SLC13A1: variants seen among roughly 807,000 people sequenced by gnomAD.
The protein encoded by SLC13A1 is Na(+)/sulfate cotransporter.
SLC13A1 carries 65 observed loss-of-function variants against 70.0 expected under a neutral mutation model. The observed-to-expected ratio is 0.93, with a 90% CI of 0.76 to 1.14. The LOEUF is 1.14. Among genes scored for constraint, SLC13A1 ranks in the 50% most tolerant of loss-of-function variants. The pLI is 0.00. For missense variants in SLC13A1, 726 were observed against 717.8 expected (o/e 1.01, Z -0.13); for synonymous variants, 275 against 250.5 (o/e 1.10, Z -0.92).
intron 2 of SLC13A1, among the ~76,000 whole-genome samples, chr7:123,174,507 AT>A (rs1795383652): frequency 6.6e-6 from 1 of 152,046 alleles, no homozygotes; most frequent in South Asian, 2.1e-4. Context: ...TATCTTTAAA[AT>A]TTGTCCCTTT....
rs139469531 is a variant in SLC13A1 at position 123,171,106 on chromosome 7, C to T, written c.365+662G>A. Among the ~76,000 whole-genome samples, 12 of 152,180 alleles carry T rather than the reference C, an allele frequency of 7.9e-5. No homozygotes were observed. The East Asian group carries it at 1.2e-3, about 15-fold the overall frequency. On this transcript the variant is annotated intron_variant, in intron 3 of 14. Coordinates refer to ENST00000194130, the MANE Select transcript of SLC13A1 (RefSeq NM_022444.4). Reference sequence around the variant, plus strand: ...AGGGAAGAAACATCTAAGGCTTTAACGCAAAATGCCACTATGCAAATGATT... The same window carrying T: ...AGGGAAGAAACATCTAAGGCTTTAATGCAAAATGCCACTATGCAAATGATT...
At chr7:123,182,894 T>C (rs1405623866) in intron 1 of SLC13A1, among the ~76,000 whole-genome samples, 2 of 152,136 alleles carry the variant, frequency 1.3e-5, no homozygotes. Flanking sequence ...TTGAAAATAA[T>C]TGAAGAATCC....
At chr7:123,141,095 T>A (rs764287219) in intron 7 of SLC13A1, among the ~76,000 whole-genome samples, 5 of 152,088 alleles carry the variant, frequency 3.3e-5, no homozygotes, top group Admixed American at 6.5e-5. Context: ...TCCATAGATT[T>A]TGATATGTTG....
In SLC13A1 at chr7:123,134,149, T is replaced by C. The variant is rs902832411; in HGVS notation, c.932+261A>G. On this transcript the variant is annotated intron_variant, in intron 8 of 14. Coordinates refer to ENST00000194130, the MANE Select transcript of SLC13A1 (RefSeq NM_022444.4). ...CGCAAGCAATCCTCCCACCTTGGCC[T>C]TTCAAAGTGCTGGGATTATAGGCAT... Among the ~76,000 whole-genome samples, 6 of 152,152 alleles carry C rather than the reference T, an allele frequency of 3.9e-5. No homozygotes were observed. In the South Asian group the frequency reaches 6.2e-4, roughly 16 times the overall value.
chr7:123,170,621 T>TG (rs1419849031), intron 3 of SLC13A1, among the ~76,000 whole-genome samples: 14 of 127,730 alleles, frequency 1.1e-4, no homozygotes, highest in East Asian at 4.5e-4. Context: ...GTTTTGGTTT[T>TG]TTTTGTTTGT....
In SLC13A1 at chr7:123,178,716, G is replaced by T. The variant is rs539077775; in HGVS notation, c.228+2257C>A. Among the ~76,000 whole-genome samples the T allele has an allele frequency of 1.3e-3, 191 of 152,162 alleles. 6 individuals are homozygous for T. The highest frequency in any genetic ancestry group is 0.012 in the Admixed American group (188 of 15,266). ...GGTAAGTTACCCTGTCGGCAAAAAG[G>T]ATCACAAGTCTGAGAACAGTTTTCT... On this transcript the variant is annotated intron_variant, in intron 2 of 14. Transcript: ENST00000194130.
chr7:123,128,751 A>T, intron 10 of SLC13A1, 94 bp downstream of exon 10: 1 of 760,348 alleles, frequency 1.3e-6, no homozygotes, highest in Non-Finnish European at 2.2e-6. Flanking sequence ...AAAGAAAAAT[A>T]TCTCATCCAA....
intron 8 of SLC13A1, 98 bp downstream of exon 8, chr7:123,134,312 A>T: frequency 4.5e-6 from 5 of 1,102,164 alleles, no homozygotes; most frequent in Non-Finnish European, 5.2e-6. Flanking sequence ...GCAGAAAGGT[A>T]GCCTGCATGG....
chr7:123,141,097 G>C (rs919761472), intron 7 of SLC13A1, among the ~76,000 whole-genome samples: 4 of 151,562 alleles, frequency 2.6e-5, no homozygotes, highest in African/African-American at 9.7e-5. Context: ...CATAGATTTT[G>C]ATATGTTGTG....
At chr7:123,115,726 G>A in intron 14 of SLC13A1, 71 bp from the exon 15 acceptor site, 1 of 1,497,054 alleles carries the variant, frequency 6.7e-7, no homozygotes, top group Non-Finnish European at 9.1e-7. Flanking sequence ...TCCTATTGTA[G>A]GATGTATATG....
intron 7 of SLC13A1, among the ~76,000 whole-genome samples, chr7:123,145,478 C>T (rs548760660): frequency 1.3e-5 from 2 of 152,214 alleles, no homozygotes; most frequent in Non-Finnish European, 1.5e-5. Context: ...CATAAGAATT[C>T]GGTCTGGATA....
At chr7:123,131,353 G>A (rs539541190) in intron 8 of SLC13A1, among the ~76,000 whole-genome samples, 1 of 152,116 alleles carries the variant, frequency 6.6e-6, no homozygotes, top group Admixed American at 6.6e-5. Context: ...AGAAGGAGAT[G>A]AGTCTCCTTA....
intron 6 of SLC13A1, among the ~76,000 whole-genome samples, chr7:123,162,947 T>C (rs907983786): frequency 4.6e-5 from 7 of 152,158 alleles, no homozygotes; most frequent in Non-Finnish European, 1.0e-4. Context: ...AAAACAATTA[T>C]CTCAGATTTT....
chr7:123,193,025 T>C (rs1218823656), intron 1 of SLC13A1, among the ~76,000 whole-genome samples: 1 of 152,096 alleles, frequency 6.6e-6, no homozygotes, highest in African/African-American at 2.4e-5. Context: ...CCTCCACACC[T>C]AACCAGCACC....
rs758621595 is a variant in SLC13A1, at chr7:123,125,579, T to C, written c.1230A>G (p.Thr410=). 1 of 1,604,300 alleles carries C rather than the reference T, an allele frequency of 6.2e-7. No homozygotes were observed. The highest frequency in any genetic ancestry group is 8.5e-7 in the Non-Finnish European group (1 of 1,174,596). Residue 410 remains threonine, a synonymous_variant, in exon 11 of 15, where the codon ACA becomes ACG. Coordinates refer to ENST00000194130, the MANE Select transcript of SLC13A1 (RefSeq NM_022444.4). ...PAKTLTKTTP[T]GEIVAFDYSP... ...TAAATGATACTCAACCAATTTCTCCTGTAGGTGTAGTTTTAGTCAGTGTCT... is the reference window on the plus strand; with the variant it reads ...TAAATGATACTCAACCAATTTCTCCCGTAGGTGTAGTTTTAGTCAGTGTCT...
chr7:123,125,766 G>T, intron 10 of SLC13A1, 91 bp from the exon 11 acceptor site: 8 of 859,564 alleles, frequency 9.3e-6, no homozygotes, highest in South Asian at 2.8e-5. Context: ...ATCAGTAATA[G>T]GTTATTATCA....
At chr7:123,123,492 TG>T (rs1296115336) in intron 11 of SLC13A1, among the ~76,000 whole-genome samples, 3 of 152,150 alleles carry the variant, frequency 2.0e-5, no homozygotes. Context: ...ATTATAACAT[TG>T]TCACTTATAA....
At chr7:123,133,959 T>C (rs1019188259) in intron 8 of SLC13A1, among the ~76,000 whole-genome samples, 2 of 152,278 alleles carry the variant, frequency 1.3e-5, no homozygotes, top group African/African-American at 4.8e-5. Flanking sequence ...CACCTCAGCC[T>C]CTTGAGTAGC....
chr7:123,126,230 A>T (rs1221367918), intron 10 of SLC13A1, among the ~76,000 whole-genome samples: 2 of 152,208 alleles, frequency 1.3e-5, no homozygotes, highest in African/African-American at 4.8e-5. Flanking sequence ...TATCATACAA[A>T]GGAAAGCAAC....
Sources: allele counts gnomAD v4.1 joint callset (sites outside exome capture counted in the v4.1 genomes callset), GRCh38; gene constraint gnomAD v4.1.1; transcripts MANE v1.5; gene names NCBI Gene and HGNC (gene_info 2026-07-23, HGNC 2026-07-21).